Variants in PRDX3 observed in about 807,000 individuals in gnomAD.
PRDX3 encodes the protein thioredoxin-dependent peroxide reductase, mitochondrial.
In PRDX3, 20 loss-of-function variants were observed where a neutral mutation model predicts 30.4. That is an observed-to-expected ratio of 0.66 (90% CI 0.46 to 0.96). PRDX3 has a LOEUF of 0.96. Among genes scored for constraint, PRDX3 ranks in the 40% least tolerant of loss-of-function variants. The pLI is 0.00. For synonymous variants in PRDX3, 124 were observed against 117.8 expected (o/e 1.05, Z -0.34); for missense variants, 322 against 318.3 (o/e 1.01, Z -0.09).
intron 3 of PRDX3, 61 bp downstream of exon 3, chr10:119,174,390 G>A (rs1025847058): frequency 7.9e-6 from 12 of 1,516,242 alleles, no homozygotes; most frequent in Admixed American, 6.6e-5. Flanking sequence ...AATTCAGTGT[G>A]GGAACAGGAT....
At chr10:119,172,956 T>A (rs960251215) in intron 4 of PRDX3, among the ~76,000 whole-genome samples, 28 of 152,144 alleles carry the variant, frequency 1.8e-4, no homozygotes, top group African/African-American at 6.7e-4. Flanking sequence ...TTATTTATTT[T>A]GAGATGGAGT....
chr10:119,170,689 T>C (rs1589660890), intron 5 of PRDX3: 1 of 147,298 alleles, frequency 6.8e-6, no homozygotes, highest in Admixed American at 6.8e-5. Flanking sequence ...AAGTCAAGAG[T>C]TTTGAGACCA....
chr10:119,168,929 C>T (rs36071611), intron 6 of PRDX3, among the ~76,000 whole-genome samples: 1,966 of 146,768 alleles, frequency 0.013, 45 homozygotes, highest in East Asian at 0.085. Context: ...GCTGAGAGAG[C>T]GCCACTGCAC....
chr10:119,176,662 T>G (rs932066412), intron 2 of PRDX3, among the ~76,000 whole-genome samples: 5 of 151,968 alleles, frequency 3.3e-5, no homozygotes, highest in Non-Finnish European at 7.4e-5. Context: ...CCCTCTCAGG[T>G]CCCCCACAGG....
At chr10:119,176,373 A>G (rs1848027752) in intron 2 of PRDX3, among the ~76,000 whole-genome samples, 1 of 152,190 alleles carries the variant, frequency 6.6e-6, no homozygotes, top group Non-Finnish European at 1.5e-5. Flanking sequence ...AGCTCTTAGA[A>G]CATTTTGCCC....
chr10:119,177,836 A>G (rs1301958512), intron 1 of PRDX3, among the ~76,000 whole-genome samples: 1 of 150,856 alleles, frequency 6.6e-6, no homozygotes, highest in African/African-American at 2.4e-5. Context: ...AGCCAAATTC[A>G]GCCTCTGGGA....
At chr10:119,170,030 C>T (rs3781493) in intron 5 of PRDX3, 1,988 of 152,326 alleles carry the variant, frequency 0.013, 49 homozygotes, top group East Asian at 0.082. Context: ...GTATTGCCCA[C>T]GCTGGAGTGC....
intron 5 of PRDX3, chr10:119,170,638 T>G (rs1248302755): frequency 6.6e-6 from 1 of 151,796 alleles, no homozygotes; most frequent in African/African-American, 2.4e-5. Flanking sequence ...CTCATGCCTG[T>G]AATCCCAGCA....
At chr10:119,174,894 G>A (rs1589664820) in intron 2 of PRDX3, 3 of 245,080 alleles carry the variant, frequency 1.2e-5, no homozygotes, top group East Asian at 1.6e-4. Flanking sequence ...CTAATACGAC[G>A]TAAATGCTAC....
At chr10:119,169,864 C>A (rs1847864856) in intron 5 of PRDX3, 1 of 152,642 alleles carries the variant, frequency 6.6e-6, no homozygotes, top group Non-Finnish European at 1.5e-5. Context: ...GAAAACCATG[C>A]CCATCACTTT....
chr10:119,168,353 T>G lies in PRDX3; in HGVS notation c.*127A>C. Reference sequence around the variant, plus strand: ...AATTACAAAAACAAAACATTTAGAGTAATACTTATGAATACAAGCATAATT... The same window carrying G: ...AATTACAAAAACAAAACATTTAGAGGAATACTTATGAATACAAGCATAATT... On this transcript the variant is annotated 3_prime_UTR_variant, in exon 7 of 7. Coordinates refer to ENST00000298510, the MANE Select transcript of PRDX3 (RefSeq NM_006793.5). 1 of 1,514,394 alleles carries G rather than the reference T, an allele frequency of 6.6e-7. No individual in the cohort carries two copies. The allele number at this position is 1,514,394 out of a possible 1,614,324, so 93.8% of individuals were successfully genotyped here.
Position 119,172,435 on chromosome 10 carries a change from CTTAG to C in PRDX3, c.494_497del (p.Thr165SerfsTer11). 6.2e-7 allele frequency: 1 copy of C among 1,614,162 alleles called. No homozygotes were observed. Reference sequence around the variant, plus strand: ...GCACACCGTAGTCTCGGGAAATCTGCTTAGTTAAGTCTGACAAGAGTGCGATGTT... The same window carrying C: ...GCACACCGTAGTCTCGGGAAATCTGCTTAAGTCTGACAAGAGTGCGATGTT... On this transcript the variant is annotated frameshift_variant, in exon 5 of 7. Coordinates refer to ENST00000298510, the MANE Select transcript of PRDX3 (RefSeq NM_006793.5). LOFTEE classifies it high-confidence loss of function.
rs982657589 is a variant in PRDX3 at position 119,167,740 on chromosome 10, T to C, written c.*740A>G. On this transcript the variant is annotated 3_prime_UTR_variant, in exon 7 of 7. Transcript: ENST00000298510. Reference sequence around the variant, plus strand: ...GCAAATGTTTTAAAATATGTTTATTTTGTATGTTTTACAATGAATACTTCA... The same window carrying C: ...GCAAATGTTTTAAAATATGTTTATTCTGTATGTTTTACAATGAATACTTCA... 1 of 152,268 alleles carries C rather than the reference T, an allele frequency of 6.6e-6. No homozygotes were observed. Among genetic ancestry groups the C allele is most frequent in the Admixed American group, 6.5e-5 (1 of 15,286 alleles). 9.4% of individuals were successfully genotyped at this position (152,268 alleles called of 1,614,324 possible). A position where few individuals can be genotyped will look rare whatever the true frequency, so the allele number is the denominator to read the frequency against.
chr10:119,177,164 A>C lies in PRDX3; in HGVS notation c.37-11T>G, dbSNP rs778668175. ...CACATGTCGGGCAACCTGGAAAGAG[A>C]AACTTTTTATTAGAAAGTTTTCCTG... On this transcript the variant is annotated splice_polypyrimidine_tract_variant and intron_variant, in intron 1 of 6. Transcript: ENST00000298510. 6.2e-7 allele frequency: 1 copy of C among 1,612,350 alleles called. No homozygotes were observed. Among genetic ancestry groups the C allele is most frequent in the South Asian group, 1.1e-5 (1 of 91,012 alleles).
intron 4 of PRDX3, among the ~76,000 whole-genome samples, chr10:119,173,364 C>T (rs929723039): frequency 1.3e-5 from 2 of 152,160 alleles, no homozygotes; most frequent in African/African-American, 2.4e-5. Context: ...AATTCCGGCA[C>T]TTTGGGAGGC....
chr10:119,174,979 A>C (rs1003020721), intron 2 of PRDX3, among the ~76,000 whole-genome samples: 2 of 152,204 alleles, frequency 1.3e-5, no homozygotes, highest in Non-Finnish European at 2.9e-5. Flanking sequence ...AGACACAACC[A>C]TCCATTTTTC....
chr10:119,178,781 C>T lies in PRDX3; in HGVS notation c.10G>A (p.Ala4Thr). 1.9e-6 allele frequency: 3 copies of T among 1,553,052 alleles called. No homozygotes were observed. Among genetic ancestry groups the T allele is most frequent in the Non-Finnish European group, 1.7e-6 (2 of 1,148,264 alleles). Reference sequence around the variant, plus strand: ...GACGCTCGGAGCAACCGTCCTACAGCAGCCGCCATCTTCAGTGCACTCGGG... The same window carrying T: ...GACGCTCGGAGCAACCGTCCTACAGTAGCCGCCATCTTCAGTGCACTCGGG... MAA[A>T]VGRLLRASVA... is the part of the protein sequence containing the mutation. The change falls in exon 1 of 7, where the codon GCT (alanine) becomes ACT (threonine). Residue 4 changes from alanine to threonine, a missense_variant. Coordinates refer to ENST00000298510, the MANE Select transcript of PRDX3 (RefSeq NM_006793.5).
chr10:119,177,714 G>A (rs1848072632), intron 1 of PRDX3, among the ~76,000 whole-genome samples: 1 of 145,934 alleles, frequency 6.9e-6, no homozygotes, highest in Non-Finnish European at 1.5e-5. Context: ...TCAGAAGCCA[G>A]GGGACTTGTG....
At chr10:119,177,458 G>C (rs1848063845) in intron 1 of PRDX3, among the ~76,000 whole-genome samples, 1 of 152,056 alleles carries the variant, frequency 6.6e-6, no homozygotes, top group East Asian at 1.9e-4. Context: ...AGGAGTTCGA[G>C]ACCAGCCTGG....
Sources: allele counts gnomAD v4.1 joint callset (sites outside exome capture counted in the v4.1 genomes callset), GRCh38; gene constraint gnomAD v4.1.1; transcripts MANE v1.5; gene names NCBI Gene and HGNC (gene_info 2026-07-23, HGNC 2026-07-21).